The following SENP8 variants were observed in gnomAD, a reference collection of about 807,000 sequenced individuals.
The protein encoded by SENP8 is SUMO peptidase family member, NEDD8 specific.
A neutral mutation model predicts 14.4 loss-of-function variants in SENP8; 10 were observed. That is an observed-to-expected ratio of 0.69 (90% CI 0.43 to 1.18). The LOEUF (loss-of-function observed/expected upper bound fraction) is 1.18. Ranked by LOEUF, SENP8 falls within the 50% of genes most tolerant of loss-of-function variation. The pLI is 0.00. For missense variants in SENP8, 202 were observed against 249.4 expected (o/e 0.81, Z 1.28); for synonymous variants, 94 against 95.5 (o/e 0.98, Z 0.09).
Position 72,143,514 on chromosome 15 carries a change from A to G in SENP8, c.*3252A>G, listed in dbSNP as rs868005541. Reference sequence around the variant, plus strand: ...AATGTGCAGGGTACTTTATGCACACATATTACACAAGTACCTTGCATATTA... The same window carrying G: ...AATGTGCAGGGTACTTTATGCACACGTATTACACAAGTACCTTGCATATTA... On this transcript the variant is annotated 3_prime_UTR_variant, in exon 2 of 2. Coordinates refer to ENST00000340912, the MANE Select transcript of SENP8 (RefSeq NM_145204.4). 6.6e-6 allele frequency: 1 copy of G among 152,206 alleles called. No homozygotes were observed. Among genetic ancestry groups the G allele is most frequent in the African/African-American group, 2.4e-5 (1 of 41,456 alleles). 9.4% of individuals were successfully genotyped at this position (152,206 alleles called of 1,614,324 possible).
At chr15:72,120,249 G>A (rs1378250328) in intron 1 of SENP8, among the ~76,000 whole-genome samples, 1 of 152,210 alleles carries the variant, frequency 6.6e-6, no homozygotes, top group East Asian at 1.9e-4. Context: ...AGGGAAAGCA[G>A]GCCTTTAAAC....
At chr15:72,129,499 A>G (rs2081251039) in intron 1 of SENP8, among the ~76,000 whole-genome samples, 1 of 148,634 alleles carries the variant, frequency 6.7e-6, no homozygotes, top group African/African-American at 2.5e-5. Flanking sequence ...AGTAGCTGGG[A>G]TTACAGGCAT....
intron 1 of SENP8, among the ~76,000 whole-genome samples, chr15:72,132,619 C>T (rs2081285005): frequency 1.3e-5 from 2 of 151,598 alleles, no homozygotes; most frequent in African/African-American, 4.8e-5. Flanking sequence ...CTCTCACTCA[C>T]CCCCAACTGA....
chr15:72,137,769 G>A (rs1006338298), intron 1 of SENP8, among the ~76,000 whole-genome samples: 32 of 152,192 alleles, frequency 2.1e-4, no homozygotes, highest in Admixed American at 5.9e-4. Flanking sequence ...TCAGGAGATC[G>A]AGACCATCCT....
chr15:72,129,840 T>TA (rs1195538847), intron 1 of SENP8, among the ~76,000 whole-genome samples: 17 of 146,804 alleles, frequency 1.2e-4, no homozygotes, highest in Middle Eastern at 3.5e-3. Context: ...AGACCCAGTC[T>TA]AAAAAAAAAG....
At chr15:72,115,393 T>A (rs2080934711), upstream of SENP8, among the ~76,000 whole-genome samples, 1 of 152,116 alleles carries the variant, frequency 6.6e-6, no homozygotes, top group African/African-American at 2.4e-5. Context: ...AACCCCTCTA[T>A]CCTTCCTCCT....
At chr15:72,119,371 C>A (rs1388025731) in intron 1 of SENP8, among the ~76,000 whole-genome samples, 3 of 152,186 alleles carry the variant, frequency 2.0e-5, no homozygotes, top group African/African-American at 7.2e-5. Context: ...TTTTAAAGCT[C>A]CACAGGTGAC....
chr15:72,134,051 C>G (rs1216148620), intron 1 of SENP8, among the ~76,000 whole-genome samples: 1 of 152,076 alleles, frequency 6.6e-6, no homozygotes, highest in Non-Finnish European at 1.5e-5. Flanking sequence ...TGGGTTCAAG[C>G]TGTTCTTGTG....
chr15:72,126,760 A>G (rs184200212), intron 1 of SENP8, among the ~76,000 whole-genome samples: 2 of 152,340 alleles, frequency 1.3e-5, no homozygotes, highest in African/African-American at 4.8e-5. Context: ...TCAGGCAAAC[A>G]TGATTACTAC....
At chr15:72,118,311 G>A, upstream of SENP8, 1 of 232,148 alleles carries the variant, frequency 4.3e-6, no homozygotes, top group Non-Finnish European at 8.3e-6. Flanking sequence ...TCACCTTACG[G>A]CAGAGCAGGG....
upstream of SENP8, among the ~76,000 whole-genome samples, chr15:72,116,458 G>T (rs561640342): frequency 2.8e-4 from 42 of 152,300 alleles, no homozygotes; most frequent in Middle Eastern, 6.8e-3. Context: ...TGAGAAGGCT[G>T]TTGTTGGTAA....
chr15:72,114,623 A>T (rs2080902600), upstream of SENP8: 1 of 152,206 alleles, frequency 6.6e-6, no homozygotes, highest in Non-Finnish European at 1.5e-5. Flanking sequence ...TGGGGGGAAA[A>T]GAGGCAGGAA....
At chr15:72,120,498 T>C (rs1385782310) in intron 1 of SENP8, among the ~76,000 whole-genome samples, 1 of 152,266 alleles carries the variant, frequency 6.6e-6, no homozygotes, top group Non-Finnish European at 1.5e-5. Flanking sequence ...GTGAAGAGTT[T>C]AGATTATATT....
chr15:72,135,570 C>A (rs1198723288), intron 1 of SENP8: 2 of 152,108 alleles, frequency 1.3e-5, no homozygotes, highest in Non-Finnish European at 2.9e-5. Context: ...TTTAAGTCTT[C>A]AAATACGAAG....
chr15:72,120,107 AC>A (rs2151319143), intron 1 of SENP8, among the ~76,000 whole-genome samples: 1 of 152,198 alleles, frequency 6.6e-6, no homozygotes, highest in South Asian at 2.1e-4. Flanking sequence ...ACCAACATCC[AC>A]TCTCATAGAG....
chr15:72,135,070 G>C, intron 1 of SENP8: 1 of 287,562 alleles, frequency 3.5e-6, no homozygotes, highest in Admixed American at 4.2e-5. Context: ...TTTGTTTTTT[G>C]TTTGTTTTTG....
intron 1 of SENP8, among the ~76,000 whole-genome samples, chr15:72,132,402 T>G (rs1236260292): frequency 6.6e-6 from 1 of 152,222 alleles, no homozygotes. Context: ...GTGGCCTTAT[T>G]TCTTTTTTTC....
At chr15:72,120,419 T>C (rs1596640260) in intron 1 of SENP8, among the ~76,000 whole-genome samples, 1 of 151,790 alleles carries the variant, frequency 6.6e-6, no homozygotes, top group South Asian at 2.1e-4. Context: ...GTATGGAGAG[T>C]AGAGGTGGGA....
chr15:72,123,916 T>G (rs1279308799), intron 1 of SENP8, among the ~76,000 whole-genome samples: 1 of 152,190 alleles, frequency 6.6e-6, no homozygotes, highest in Non-Finnish European at 1.5e-5. Context: ...CCTTAGCCAT[T>G]GATAGCTGTG....
Sources: allele counts gnomAD v4.1 joint callset (sites outside exome capture counted in the v4.1 genomes callset), GRCh38; gene constraint gnomAD v4.1.1; transcripts MANE v1.5; gene names NCBI Gene and HGNC (gene_info 2026-07-23, HGNC 2026-07-21).